GPR107: variants seen among roughly 807,000 people sequenced by gnomAD.
GPR107 encodes G protein-coupled receptor 107, also known as protein GPR107.
Under a neutral mutation model 75.5 loss-of-function variants are expected in GPR107, and 31 were observed. The observed-to-expected ratio is 0.41, with a 90% CI of 0.31 to 0.55. The LOEUF (loss-of-function observed/expected upper bound fraction) is 0.55. Among genes scored for constraint, GPR107 ranks in the 20% least tolerant of loss-of-function variants. The pLI, the probability that GPR107 is intolerant of heterozygous loss-of-function variation, is 0.26. For missense variants in GPR107, 572 were observed against 665.7 expected (o/e 0.86, Z 1.55); for synonymous variants, 267 against 251.3 (o/e 1.06, Z -0.59).
chr9:130,079,741 A>C lies in GPR107; in HGVS notation c.498A>C (p.Ser166=), dbSNP rs1209895924. ...AGGAGCCTAATGTTAACCCTGCTTC[A>C]GCAGGCAACCAGACCCAGAAGACAC... ...QSQEPNVNPA[S]AGNQTQKTQD... The change falls in exon 5 of 18, where the codon TCA becomes TCC. Residue 166 remains serine, a synonymous_variant. Transcript: ENST00000347136. 6.2e-7 allele frequency: 1 copy of C among 1,612,676 alleles called. No homozygotes were observed. Among genetic ancestry groups the C allele is most frequent in the East Asian group, 2.2e-5 (1 of 44,850 alleles).
At chr9:130,134,484 C>T (rs559624784) in intron 17 of GPR107, among the ~76,000 whole-genome samples, 108 of 152,378 alleles carry the variant, frequency 7.1e-4, no homozygotes, top group Non-Finnish European at 1.3e-3. Flanking sequence ...TGGCCCAGCC[C>T]CAGCTAGCAG....
intron 14 of GPR107, among the ~76,000 whole-genome samples, chr9:130,111,130 T>C (rs375196937): frequency 5.1e-4 from 77 of 152,224 alleles, no homozygotes; most frequent in African/African-American, 1.8e-3. Flanking sequence ...ATGCTGGCAT[T>C]ACAGGTGTGA....
chr9:130,130,285 C>T (rs1463769021), intron 17 of GPR107, among the ~76,000 whole-genome samples: 1 of 152,228 alleles, frequency 6.6e-6, no homozygotes, highest in Non-Finnish European at 1.5e-5. Context: ...GACTTGGTAG[C>T]TGCCTCCTAG....
At chr9:130,099,383 C>A in intron 9 of GPR107, 74 bp from the exon 10 acceptor site, 1 of 823,290 alleles carries the variant, frequency 1.2e-6, no homozygotes, top group South Asian at 1.4e-5. Context: ...ATAAATATAG[C>A]TAATGTCTGG....
At chr9:130,131,744 T>C (rs1469239579) in intron 17 of GPR107, among the ~76,000 whole-genome samples, 1 of 152,116 alleles carries the variant, frequency 6.6e-6, no homozygotes, top group African/African-American at 2.4e-5. Flanking sequence ...ACCACGTCCC[T>C]CTTCCTCAGC....
At chr9:130,115,342 G>C (rs533345737) in intron 14 of GPR107, among the ~76,000 whole-genome samples, 1 of 152,150 alleles carries the variant, frequency 6.6e-6, no homozygotes, top group African/African-American at 2.4e-5. Flanking sequence ...CTTCCCAGAA[G>C]GACTCATTCC....
chr9:130,085,753 G>GTTTTTTT (rs1189602398), intron 6 of GPR107, among the ~76,000 whole-genome samples: 1 of 32,254 alleles, frequency 3.1e-5, no homozygotes, highest in African/African-American at 1.3e-4. Flanking sequence ...GCAATATTTT[G>GTTTTTTT]ATTTTTTTTT....
chr9:130,104,628 T>TGAGATCAATTTGGGAATG, intron 13 of GPR107, 78 bp downstream of exon 13: 1 of 1,163,048 alleles, frequency 8.6e-7, no homozygotes, highest in Non-Finnish European at 1.3e-6. Flanking sequence ...ATTCCCAAAC[T>TGAGATCAATTTGGGAATG]GATCTCAGTC....
At chr9:130,059,103 A>G (rs1372302091) in intron 1 of GPR107, among the ~76,000 whole-genome samples, 1 of 152,230 alleles carries the variant, frequency 6.6e-6, no homozygotes, top group African/African-American at 2.4e-5. Flanking sequence ...CTATTTTCCA[A>G]AGTGGCTCTA....
intron 9 of GPR107, among the ~76,000 whole-genome samples, chr9:130,094,171 G>A (rs10988590): frequency 0.59 from 88,944 of 151,966 alleles, 26,100 homozygotes; most frequent in East Asian, 0.79. Context: ...TGGGCTGGGC[G>A]CGGTGGTACA....
At chr9:130,134,836 C>T (rs1001073966) in intron 17 of GPR107, among the ~76,000 whole-genome samples, 189 bp from the exon 18 acceptor site, 18 of 152,296 alleles carry the variant, frequency 1.2e-4, no homozygotes, top group Admixed American at 5.2e-4. Flanking sequence ...ATTACTTAAG[C>T]ACAGAGAGTT....
chr9:130,081,033 G>T (rs1830484518), intron 5 of GPR107, among the ~76,000 whole-genome samples: 1 of 150,924 alleles, frequency 6.6e-6, no homozygotes, highest in Admixed American at 6.6e-5. Context: ...ACATAGCGAG[G>T]CCCTGTCTCT....
Position 130,105,173 on chromosome 9 carries a change from A to G in GPR107, c.1262+623A>G, listed in dbSNP as rs114964566. Among the ~76,000 whole-genome samples the G allele has an allele frequency of 7.2e-3, 1,089 of 152,264 alleles. 13 individuals carry two copies. Among genetic ancestry groups the G allele is most frequent in the African/African-American group, 0.025 (1,030 of 41,546 alleles). On this transcript the variant is annotated intron_variant, in intron 13 of 17. Coordinates refer to ENST00000347136, the MANE Select transcript of GPR107 (RefSeq NM_020960.5). Reference sequence around the variant, plus strand: ...ACTTTACCCTTAGTGATATAATTCCATGGCTATTGGAATGCAATTCTTTTG... The same window carrying G: ...ACTTTACCCTTAGTGATATAATTCCGTGGCTATTGGAATGCAATTCTTTTG...
intron 1 of GPR107, among the ~76,000 whole-genome samples, chr9:130,055,377 G>A (rs1276673033): frequency 6.6e-6 from 1 of 152,014 alleles, no homozygotes; most frequent in Non-Finnish European, 1.5e-5. Context: ...GCTAAGGCAG[G>A]AGAATGGCGT....
chr9:130,054,189 C>T, intron 1 of GPR107, 116 bp downstream of exon 1: 10 of 1,049,494 alleles, frequency 9.5e-6, no homozygotes, highest in South Asian at 1.7e-5. Flanking sequence ...TTGCCCCTGG[C>T]TGCGGCCTTT....
chr9:130,083,572 A>G lies in GPR107; in HGVS notation c.534A>G (p.Gly178=). Residue 178 remains glycine, a synonymous_variant, in exon 6 of 18, where the codon GGA becomes GGG. Transcript: ENST00000347136. ...AAATGTTCTTGCTTCTAGATGGTGG[A>G]AAGTCTAAAAGAAGTACAGTGGATT... is the stretch of plus-strand genomic sequence containing the variant. The part of the protein sequence containing the change: ...GNQTQKTQDG[G]KSKRSTVDSK... 6.6e-7 allele frequency: 1 copy of G among 1,524,394 alleles called. No homozygotes were observed. Among genetic ancestry groups the G allele is most frequent in the East Asian group, 2.5e-5 (1 of 39,408 alleles). The allele number at this position is 1,524,394 out of a possible 1,614,324, so 94.4% of individuals were successfully genotyped here.
intron 17 of GPR107, chr9:130,132,846 T>A (rs1350550740): frequency 7.0e-6 from 1 of 143,554 alleles, no homozygotes; most frequent in South Asian, 2.2e-4. Flanking sequence ...TATATACACA[T>A]ATACAATCCA....
chr9:130,077,691 G>A (rs1280715922), intron 4 of GPR107, among the ~76,000 whole-genome samples: 2 of 152,204 alleles, frequency 1.3e-5, no homozygotes, highest in Non-Finnish European at 2.9e-5. Flanking sequence ...AATAAGTAAA[G>A]CATTCCAGGC....
Position 130,101,149 on chromosome 9 carries a change from A to G in GPR107, c.1057A>G (p.Thr353Ala), listed in dbSNP as rs779933425. 7 of 1,611,166 alleles carry G rather than the reference A, an allele frequency of 4.3e-6. No individual in the cohort carries two copies. The African/African-American group carries it at 8.0e-5, about 18-fold the overall frequency. Reference sequence around the variant, plus strand: ...CTTCATCACCATTGCACTCATTGGCACTGGCTGGGCTTTCATTAAGCACAT... The same window carrying G: ...CTTCATCACCATTGCACTCATTGGCGCTGGCTGGGCTTTCATTAAGCACAT... ...LLFITIALIG[T>A]GWAFIKHILS... is the part of the protein sequence containing the mutation. Residue 353 changes from threonine (T) to alanine (A), a missense_variant, in exon 12 of 18, where the codon ACT becomes GCT. Thr to Ala is a moderately conservative substitution (Grantham distance 58). Transcript: ENST00000347136.
Sources: gnomAD v4.1 joint callset for allele counts (sites outside exome capture counted in the v4.1 genomes callset) on GRCh38, gnomAD v4.1.1 for gene constraint, MANE v1.5 for transcripts, NCBI Gene and HGNC (gene_info 2026-07-23, HGNC 2026-07-21) for gene names.